The following PTK2B variants were observed in gnomAD, a reference collection of about 807,000 sequenced individuals.
PTK2B encodes the protein protein tyrosine kinase 2 beta.
Under a neutral mutation model 142.9 loss-of-function variants are expected in PTK2B, and 71 were observed. The ratio of observed to expected loss-of-function variants is 0.50; its 90% CI spans 0.41 to 0.61. The LOEUF (loss-of-function observed/expected upper bound fraction) is 0.61. Ranked by LOEUF, PTK2B falls within the 20% of genes least tolerant of loss-of-function variation. PTK2B has a pLI of 0.00. For synonymous variants in PTK2B, 519 were observed against 503.4 expected (o/e 1.03, Z -0.42); for missense variants, 1,105 against 1,320.4 (o/e 0.84, Z 2.53).
At chr8:27,324,069 C>T (rs188601231), upstream of PTK2B, among the ~76,000 whole-genome samples, 7 of 152,336 alleles carry the variant, frequency 4.6e-5, no homozygotes, top group African/African-American at 1.4e-4. Flanking sequence ...CATTTCCAAG[C>T]GCAAGAATAC....
At chr8:27,454,324 C>A in intron 29 of PTK2B, 33 bp downstream of exon 29, 1 of 1,600,684 alleles carries the variant, frequency 6.2e-7, no homozygotes, top group Non-Finnish European at 8.5e-7. Context: ...GAGGTGGAGG[C>A]GGCTCAAGTC....
upstream of PTK2B, among the ~76,000 whole-genome samples, chr8:27,324,070 G>A (rs994950550): frequency 5.3e-5 from 8 of 152,126 alleles, no homozygotes; most frequent in African/African-American, 1.9e-4. Context: ...ATTTCCAAGC[G>A]CAAGAATACG....
intron 2 of PTK2B, among the ~76,000 whole-genome samples, chr8:27,410,249 C>T (rs1289706785): frequency 1.3e-5 from 2 of 152,148 alleles, no homozygotes; most frequent in Non-Finnish European, 2.9e-5. Context: ...ATGGGAGCTC[C>T]CAAGGCACAC....
At chr8:27,317,310 T>C (rs1803115179) in intron 3 of PTK2B, among the ~76,000 whole-genome samples, 1 of 152,228 alleles carries the variant, frequency 6.6e-6, no homozygotes, top group Admixed American at 6.5e-5. Flanking sequence ...ACCTGAATCA[T>C]GTGATGAAGG....
At chr8:27,333,695 G>A (rs1009502387) in intron 1 of PTK2B, among the ~76,000 whole-genome samples, 1 of 151,974 alleles carries the variant, frequency 6.6e-6, no homozygotes, top group African/African-American at 2.4e-5. Flanking sequence ...TTCCCCCTGG[G>A]CCTCCCCTCT....
At chr8:27,455,782 T>C (rs957203695) in intron 30 of PTK2B, among the ~76,000 whole-genome samples, 1 of 152,256 alleles carries the variant, frequency 6.6e-6, no homozygotes, top group Non-Finnish European at 1.5e-5. Context: ...ACAATAAATC[T>C]GTGTTGTTTT....
chr8:27,373,231 G>A (rs1334224506), intron 1 of PTK2B, among the ~76,000 whole-genome samples: 10 of 152,168 alleles, frequency 6.6e-5, no homozygotes, highest in Non-Finnish European at 1.3e-4. Flanking sequence ...TTCTCTCTGT[G>A]GGAGCACAGC....
chr8:27,380,943 A>G (rs1806976797), intron 1 of PTK2B, among the ~76,000 whole-genome samples: 1 of 152,220 alleles, frequency 6.6e-6, no homozygotes, highest in Non-Finnish European at 1.5e-5. Context: ...TTATTTACGT[A>G]GAATGAGTAA....
At chr8:27,456,188 A>G (rs1158358608) in intron 30 of PTK2B, among the ~76,000 whole-genome samples, 1 of 152,160 alleles carries the variant, frequency 6.6e-6, no homozygotes, top group Non-Finnish European at 1.5e-5. Context: ...ACCTCATTTT[A>G]TTGCACTTTG....
In PTK2B at chr8:27,437,814, T is replaced by C; in HGVS notation, c.1577T>C (p.Leu526Pro). 1 of 1,613,646 alleles carries C rather than the reference T, an allele frequency of 6.2e-7. No individual in the cohort carries two copies. The highest frequency in any genetic ancestry group is 8.5e-7 in the Non-Finnish European group (1 of 1,179,872). The change falls in exon 18 of 31, where the codon CTC becomes CCC. Residue 526 changes from leucine (L) to proline (P), a missense_variant. Physicochemically the swap from Leu to Pro is moderately conservative, Grantham distance 98 (BLOSUM62 -3). Transcript: ENST00000346049. ...AAGAACTCCCTGAAGGTGCTCACCC[T>C]CGTGCTGTACTCACTGCAGATATGC... ...RNKNSLKVLT[L>P]VLYSLQICKA...
At chr8:27,434,640 C>T (rs1810661962) in intron 13 of PTK2B, 81 bp downstream of exon 13, 1 of 1,428,236 alleles carries the variant, frequency 7.0e-7, no homozygotes, top group East Asian at 2.5e-5. Context: ...CGTGACATTG[C>T]CGAGGGTTTC....
chr8:27,331,128 G>A (rs991702559), intron 1 of PTK2B, among the ~76,000 whole-genome samples: 5 of 152,130 alleles, frequency 3.3e-5, no homozygotes, highest in African/African-American at 1.2e-4. Flanking sequence ...CCTCGCCCAG[G>A]GTTTAGAGCT....
At chr8:27,315,559 GT>G (rs1387096778) in intron 3 of PTK2B, among the ~76,000 whole-genome samples, 1 of 151,932 alleles carries the variant, frequency 6.6e-6, no homozygotes, top group African/African-American at 2.4e-5. Context: ...TCCCAGTTGT[GT>G]TGTGAATCGA....
chr8:27,351,628 A>G (rs1451419511), intron 1 of PTK2B, among the ~76,000 whole-genome samples: 3 of 152,210 alleles, frequency 2.0e-5, no homozygotes, highest in Non-Finnish European at 4.4e-5. Flanking sequence ...ATAAAAGTGT[A>G]CTAATGCCTC....
intron 5 of PTK2B, among the ~76,000 whole-genome samples, chr8:27,423,360 CTT>C (rs1349041203): frequency 6.6e-6 from 1 of 152,064 alleles, no homozygotes; most frequent in Non-Finnish European, 1.5e-5. Context: ...CCTTCTCTGT[CTT>C]AGAGCAGTGG....
At chr8:27,426,695 G>A (rs972899272) in intron 5 of PTK2B, among the ~76,000 whole-genome samples, 4 of 152,118 alleles carry the variant, frequency 2.6e-5, no homozygotes, top group African/African-American at 4.8e-5. Context: ...AATGATCTTC[G>A]ATGCCTGAGA....
intron 2 of PTK2B, among the ~76,000 whole-genome samples, chr8:27,404,816 G>A (rs948310344): frequency 1.3e-5 from 2 of 152,164 alleles, no homozygotes; most frequent in East Asian, 1.9e-4. Flanking sequence ...TGCACAGGGT[G>A]TTATGGACTG....
At chr8:27,407,375 G>T (rs1246879938) in intron 2 of PTK2B, among the ~76,000 whole-genome samples, 1 of 152,088 alleles carries the variant, frequency 6.6e-6, no homozygotes, top group African/African-American at 2.4e-5. Flanking sequence ...TGATTCTCTT[G>T]CTTGAAGCAG....
At chr8:27,443,156 A>T (rs1014020779) in intron 22 of PTK2B, among the ~76,000 whole-genome samples, 173 bp downstream of exon 22, 8 of 152,214 alleles carry the variant, frequency 5.3e-5, no homozygotes, top group Non-Finnish European at 1.0e-4. Context: ...TGGCAGGTGG[A>T]CTTGGAGATA....
Sources: gnomAD v4.1 joint callset for allele counts (sites outside exome capture counted in the v4.1 genomes callset) on GRCh38, gnomAD v4.1.1 for gene constraint, MANE v1.5 for transcripts, NCBI Gene and HGNC (gene_info 2026-07-23, HGNC 2026-07-21) for gene names.